TET3: variants seen among roughly 807,000 people sequenced by gnomAD.
The protein encoded by TET3 is tet methylcytosine dioxygenase 3.
A neutral mutation model predicts 141.4 loss-of-function variants in TET3; 19 were observed. The observed-to-expected ratio is 0.13, with a 90% CI of 0.09 to 0.20. TET3 has a LOEUF of 0.20. Among genes scored for constraint, TET3 ranks in the 10% least tolerant of loss-of-function variants. The pLI is 1.00. For synonymous variants in TET3, 1,043 were observed against 980.9 expected (o/e 1.06, Z -1.18); for missense variants, 1,874 against 2,356.9 (o/e 0.80, Z 4.24).
At position 74,087,725 on chromosome 2, in the gene TET3, C is replaced by A; in HGVS notation, c.2680-105C>A. ...AGGGCATGACATCCCTAGAACCCTG[C>A]CGTTAAGACCTGCACCCTGGGTCTG... is the stretch of plus-strand genomic sequence containing the variant. On this transcript the variant is annotated intron_variant, in intron 6 of 11. Coordinates refer to ENST00000409262, the MANE Select transcript of TET3 (RefSeq NM_001287491.2). This position sits in a 1 kb window ranked among gnomAD's most constrained non-coding sequence, Gnocchi z 4.3. The A allele has an allele frequency of 8.8e-7, 1 of 1,139,416 alleles. No homozygotes were observed. Among genetic ancestry groups the A allele is most frequent in the Non-Finnish European group, 1.2e-6 (1 of 823,562 alleles). 70.6% of individuals were successfully genotyped at this position (1,139,416 alleles called of 1,614,324 possible). A position where few individuals can be genotyped will look rare whatever the true frequency, so the allele number is the denominator to read the frequency against.
chr2:74,132,083 T>C, the TET3 span, among the ~76,000 whole-genome samples: 2 of 152,312 alleles, frequency 1.3e-5, no homozygotes, highest in African/African-American at 4.8e-5. Flanking sequence ...GCCACACTTA[T>C]CTTTTCCTCC....
chr2:74,079,347 A>AAAAG (rs1259668718), intron 5 of TET3, among the ~76,000 whole-genome samples: 1 of 152,154 alleles, frequency 6.6e-6, no homozygotes, highest in East Asian at 1.9e-4. Context: ...CTCCGTCTCA[A>AAAAG]AAAGAAAGAA....
Position 74,093,573 on chromosome 2 carries a change from G to A in TET3, c.3174G>A (p.Lys1058=). 1.2e-6 allele frequency: 2 copies of A among 1,613,592 alleles called. No homozygotes were observed. Among genetic ancestry groups the A allele is most frequent in the Non-Finnish European group, 1.7e-6 (2 of 1,179,698 alleles). Residue 1058 remains lysine, a synonymous_variant, in exon 10 of 12, where the codon AAG becomes AAA. Transcript: ENST00000409262. This position sits in a 1 kb window ranked among gnomAD's most constrained non-coding sequence, Gnocchi z 4.2. ...EIAIDCRLGL[K]EGRPFAGVTA... ...CGATTGACTGCCGTCTGGGGCTGAA[G>A]GAAGGACGGCCCTTCGCGGGGGTCA... is the stretch of plus-strand genomic sequence containing the variant.
Position 74,102,024 on chromosome 2 carries a change from T to TG in TET3, c.5243dup (p.Thr1749HisfsTer5), listed in dbSNP as rs759623160. Reference sequence around the variant, plus strand: ...CAAGCTCTACGGGAAGAAGCGCAAGTGGGGGGGCACTGTGGTTGCTGAGCC... The same window carrying TG: ...CAAGCTCTACGGGAAGAAGCGCAAGTGGGGGGGGCACTGTGGTTGCTGAGCC... On this transcript the variant is annotated frameshift_variant, in exon 12 of 12. Coordinates refer to ENST00000409262, the MANE Select transcript of TET3 (RefSeq NM_001287491.2). LOFTEE classifies it high-confidence loss of function. The TG allele has an allele frequency of 1.8e-5, 28 of 1,571,696 alleles. No individual in the cohort carries two copies. Among genetic ancestry groups the TG allele is most frequent in the Non-Finnish European group, 5.2e-6 (6 of 1,157,236 alleles).
chr2:74,098,382 A>G (rs1373707429), intron 10 of TET3, among the ~76,000 whole-genome samples: 3 of 152,198 alleles, frequency 2.0e-5, no homozygotes, highest in Non-Finnish European at 2.9e-5. Flanking sequence ...TATTTATACT[A>G]TGTTAAGAAA....
At position 74,099,595 on chromosome 2, in the gene TET3, G is replaced by C; in HGVS notation, c.3587G>C (p.Gly1196Ala). 1 of 1,581,380 alleles carries C rather than the reference G, an allele frequency of 6.3e-7. No individual in the cohort carries two copies. The highest frequency in any genetic ancestry group is 8.6e-7 in the Non-Finnish European group (1 of 1,161,430). Residue 1196 changes from glycine (G) to alanine (A), a missense_variant, in exon 11 of 12, where the codon GGC becomes GCC. This residue lies in a region of TET3 where 602 missense variants were observed against 590.2 expected (regional missense o/e 1.02). Coordinates refer to ENST00000409262, the MANE Select transcript of TET3 (RefSeq NM_001287491.2). ...AAGCAGGAGGCCCTGGAGCTGGCGG[G>C]CATTACGTCGGACCCAGGTGTGTGG... Reference protein sequence around the residue: ...KIKQEALELAGITSDPGLSLK... With the variant: ...KIKQEALELAAITSDPGLSLK...
At chr2:74,113,006 CAAAAA>C (rs60299737), downstream of TET3, among the ~76,000 whole-genome samples, 544 of 34,160 alleles carry the variant, frequency 0.016, 1 homozygote, top group African/African-American at 0.055. Flanking sequence ...GACTCCGTCT[CAAAAA>C]AAAAAAAAAA....
At chr2:74,029,891 T>G (rs1022923569) in intron 3 of TET3, among the ~76,000 whole-genome samples, 1 of 152,236 alleles carries the variant, frequency 6.6e-6, no homozygotes, top group African/African-American at 2.4e-5. Context: ...ACTGTTAATA[T>G]CAGTTTTCAT....
Position 74,100,436 on chromosome 2 carries a change from C to A in TET3, c.3648C>A (p.Pro1216=), listed in dbSNP as rs775034904. Residue 1216 remains proline (P), a synonymous_variant, in exon 12 of 12, where the codon CCC becomes CCA. Transcript: ENST00000409262. ...GATTGTCCCAGCAAGGCCTGAAGCC[C>A]TCCCTCAAGGTGGAGCCGCAGAACC... ...KGGLSQQGLK[P]SLKVEPQNHF... The A allele has an allele frequency of 6.3e-7, 1 of 1,576,834 alleles. No homozygotes were observed. Among genetic ancestry groups the A allele is most frequent in the Admixed American group, 1.8e-5 (1 of 54,278 alleles).
the TET3 span, among the ~76,000 whole-genome samples, chr2:74,131,824 A>G: frequency 3.9e-5 from 6 of 151,966 alleles, no homozygotes; most frequent in Non-Finnish European, 8.8e-5. Flanking sequence ...CACTGGGATT[A>G]AACACGTTCT....
rs1474687624 is a variant in TET3, at chr2:74,100,915, A to G, written c.4127A>G (p.His1376Arg). The G allele has an allele frequency of 6.2e-7, 1 of 1,610,374 alleles. No homozygotes were observed. Among genetic ancestry groups the G allele is most frequent in the East Asian group, 2.2e-5 (1 of 44,718 alleles). The change falls in exon 12 of 12, where the codon CAC becomes CGC. Residue 1376 changes from histidine (H) to arginine (R), a missense_variant. Coordinates refer to ENST00000409262, the MANE Select transcript of TET3 (RefSeq NM_001287491.2). ...CTGCTTCCCAAGGCCCCCCTACTCC[A>G]CTCAGTGTCCAGGGACCCCTCCCCC... is the stretch of plus-strand genomic sequence containing the variant. ...EYLLPKAPLL[H>R]SVSRDPSPFA...
Position 74,100,927 on chromosome 2 carries a change from G to A in TET3, c.4139G>A (p.Arg1380Lys), listed in dbSNP as rs1435032821. 2 of 1,610,788 alleles carry A rather than the reference G, an allele frequency of 1.2e-6. No homozygotes were observed. Among genetic ancestry groups the A allele is most frequent in the Non-Finnish European group, 1.7e-6 (2 of 1,178,744 alleles). The change falls in exon 12 of 12, where the codon AGG (arginine) becomes AAG (lysine). Residue 1380 changes from arginine (R) to lysine (K), a missense_variant. Arg to Lys is a conservative substitution (Grantham distance 26). Transcript: ENST00000409262. ...PKAPLLHSVSRDPSPFAQSSN... is the reference protein window; with the variant it reads ...PKAPLLHSVSKDPSPFAQSSN... ...GCCCCCCTACTCCACTCAGTGTCCA[G>A]GGACCCCTCCCCCTTTGCCCAGAGC... is the stretch of plus-strand genomic sequence containing the variant.
chr2:74,008,936 T>C (rs1392668887), intron 3 of TET3, among the ~76,000 whole-genome samples: 1 of 152,128 alleles, frequency 6.6e-6, no homozygotes, highest in Non-Finnish European at 1.5e-5. Flanking sequence ...CAGGCATTTT[T>C]CCCCCGTGTA....
downstream of TET3, among the ~76,000 whole-genome samples, chr2:74,109,373 A>G (rs1471535080): frequency 6.6e-6 from 1 of 152,190 alleles, no homozygotes; most frequent in Non-Finnish European, 1.5e-5. Flanking sequence ...ACCCATATGT[A>G]TTTTTTCAAA....
At chr2:74,035,995 C>A (rs6706327) in intron 3 of TET3, among the ~76,000 whole-genome samples, 49,563 of 151,918 alleles carry the variant, frequency 0.33, 8,884 homozygotes, top group African/African-American at 0.47. Flanking sequence ...CCAGCCTGGG[C>A]GACAGAGTGA....
chr2:74,128,912 A>T, the TET3 span, among the ~76,000 whole-genome samples: 1 of 145,852 alleles, frequency 6.9e-6, no homozygotes, highest in East Asian at 2.1e-4. Flanking sequence ...GGATCAGCTG[A>T]GCCCCAGAAG....
At chr2:74,077,085 C>T (rs1486788686) in intron 5 of TET3, among the ~76,000 whole-genome samples, 1 of 152,180 alleles carries the variant, frequency 6.6e-6, no homozygotes, top group Non-Finnish European at 1.5e-5. Context: ...TTCTCTGCAG[C>T]CTAGGAGTTC....
At chr2:74,121,349 G>A in the TET3 span, 1 of 152,184 alleles carries the variant, frequency 6.6e-6, no homozygotes, top group Non-Finnish European at 1.5e-5. Flanking sequence ...AATCAGTGAA[G>A]ACATATGTAG....
chr2:74,100,789 G>T lies in TET3; in HGVS notation c.4001G>T (p.Gly1334Val). ...AACAGCCTGAGCCCGGCCTACGGTG[G>T]TGCTGAGTTTGCCGAGCTGCCCAGC... is the stretch of plus-strand genomic sequence containing the variant. ...LHNSLSPAYG[G>V]AEFAELPSQA... Residue 1334 changes from glycine (G) to valine (V), a missense_variant, in exon 12 of 12, where the codon GGT (glycine) becomes GTT (valine). This residue lies in a region of TET3 where 602 missense variants were observed against 590.2 expected (regional missense o/e 1.02). Coordinates refer to ENST00000409262, the MANE Select transcript of TET3 (RefSeq NM_001287491.2). 6.2e-7 allele frequency: 1 copy of T among 1,613,022 alleles called. No homozygotes were observed. The highest frequency in any genetic ancestry group is 8.5e-7 in the Non-Finnish European group (1 of 1,179,582).
Sources: gnomAD v4.1 joint callset for allele counts (sites outside exome capture counted in the v4.1 genomes callset) on GRCh38, gnomAD v4.1.1 for gene constraint, gnomAD v4.1.1 regional missense constraint, Gnocchi (gnomAD v3.1) non-coding constraint, MANE v1.5 for transcripts, NCBI Gene and HGNC (gene_info 2026-07-23, HGNC 2026-07-21) for gene names.